The following CDC45 variants were observed in gnomAD, a reference collection of about 807,000 sequenced individuals.
CDC45 encodes cell division control protein 45 homolog.
A neutral mutation model predicts 77.8 loss-of-function variants in CDC45; 54 were observed. That is an observed-to-expected ratio of 0.69 (90% CI 0.56 to 0.87). CDC45 has a LOEUF of 0.87. Among genes scored for constraint, CDC45 ranks in the 40% least tolerant of loss-of-function variants. The probability of loss-of-function intolerance (pLI) is 0.00; values close to 1 mark genes in which losing one functional copy is unlikely to be tolerated. For synonymous variants in CDC45, 260 were observed against 272.1 expected (o/e 0.96, Z 0.44); for missense variants, 649 against 721.6 (o/e 0.90, Z 1.15).
At chr22:19,495,819 C>G (rs1325032549) in intron 6 of CDC45, among the ~76,000 whole-genome samples, 162 bp from the exon 7 acceptor site, 1 of 152,046 alleles carries the variant, frequency 6.6e-6, no homozygotes, top group African/African-American at 2.4e-5. Context: ...AAGAACCTGT[C>G]TCAACAAAAA....
In CDC45 at chr22:19,507,508, C is replaced by A; in HGVS notation, c.947C>A (p.Ala316Glu). The A allele has an allele frequency of 6.2e-7, 1 of 1,614,120 alleles. No homozygotes were observed. The highest frequency in any genetic ancestry group is 8.5e-7 in the Non-Finnish European group (1 of 1,180,030). ...CAGAAGCGGCTCCAGGAGTTCCTTGCAGACATGGGGTGAGTGACTGCCTGG... is the reference window on the plus strand; with the variant it reads ...CAGAAGCGGCTCCAGGAGTTCCTTGAAGACATGGGGTGAGTGACTGCCTGG... ...HGQKRLQEFL[A>E]DMGLPLKQVK... is the part of the protein sequence containing the mutation. The change falls in exon 11 of 19, where the codon GCA becomes GAA. Residue 316 changes from alanine (A) to glutamate (E), a missense_variant. Ala to Glu is a moderately radical substitution (Grantham distance 107, BLOSUM62 -1). Transcript: ENST00000263201.
intron 3 of CDC45, 44 bp from the exon 4 acceptor site, chr22:19,482,646 G>T (rs757685230): frequency 6.3e-7 from 1 of 1,594,770 alleles, no homozygotes; most frequent in East Asian, 2.2e-5. Flanking sequence ...AGGAAAAGGG[G>T]CCTCCTCGAT....
chr22:19,484,766 G>T (rs143616598), intron 5 of CDC45, among the ~76,000 whole-genome samples: 3 of 152,138 alleles, frequency 2.0e-5, no homozygotes, highest in African/African-American at 7.2e-5. Context: ...TTCATTTGGG[G>T]AAGGGGCAAT....
intron 13 of CDC45, among the ~76,000 whole-genome samples, chr22:19,514,197 A>G (rs188296735): frequency 5.9e-5 from 9 of 152,182 alleles, no homozygotes; most frequent in Non-Finnish European, 2.9e-5. Flanking sequence ...GGGATTGTGG[A>G]CCCTTGGCTG....
At chr22:19,494,515 G>A in intron 6 of CDC45, 133 bp downstream of exon 6, 1 of 1,552,098 alleles carries the variant, frequency 6.4e-7, no homozygotes, top group Middle Eastern at 1.7e-4. Context: ...AGTGGCTCTG[G>A]GAGTGAACCT....
chr22:19,481,133 G>A (rs1318001915), intron 3 of CDC45, 88 bp downstream of exon 3: 27 of 800,738 alleles, frequency 3.4e-5, no homozygotes, highest in Admixed American at 6.7e-5. Context: ...TAGATTAAGC[G>A]TGTATTTAAG....
intron 5 of CDC45, among the ~76,000 whole-genome samples, chr22:19,489,388 T>C (rs1215685723): frequency 2.0e-5 from 3 of 152,070 alleles, no homozygotes; most frequent in African/African-American, 7.2e-5. Flanking sequence ...TCTGTTGCCC[T>C]TTTATAGCCA....
intron 15 of CDC45, 31 bp from the exon 16 acceptor site, chr22:19,516,496 C>T: frequency 1.9e-6 from 3 of 1,567,342 alleles, no homozygotes; most frequent in Non-Finnish European, 2.6e-6. Context: ...GCCCACCATA[C>T]CCTGACGGAG....
chr22:19,492,695 A>G (rs1333852406), intron 5 of CDC45, among the ~76,000 whole-genome samples: 3 of 151,984 alleles, frequency 2.0e-5, no homozygotes, highest in Non-Finnish European at 4.4e-5. Context: ...AGATTTTTGT[A>G]TTATGTGATG....
intron 13 of CDC45, 98 bp downstream of exon 13, chr22:19,508,789 C>A: frequency 8.5e-7 from 1 of 1,173,744 alleles, no homozygotes; most frequent in Non-Finnish European, 1.2e-6. Context: ...GTGGGAGTGA[C>A]TGTGTCCTGC....
At chr22:19,507,294 G>T in intron 10 of CDC45, 92 bp from the exon 11 acceptor site, 1 of 1,486,904 alleles carries the variant, frequency 6.7e-7, no homozygotes, top group Non-Finnish European at 9.2e-7. Flanking sequence ...GGTGAGAAAG[G>T]GCCCCGCCAT....
At position 19,507,491 on chromosome 22, in the gene CDC45, G is replaced by C. The variant is rs1389934507; in HGVS notation, c.930G>C (p.Arg310=). 5 of 1,614,064 alleles carry C rather than the reference G, an allele frequency of 3.1e-6. No individual in the cohort carries two copies. In the African/African-American group the frequency reaches 6.7e-5, roughly 22 times the overall value. Residue 310 remains arginine (R), a synonymous_variant, in exon 11 of 19, where the codon CGG becomes CGC. Transcript: ENST00000263201. ...FKLWSVHGQK[R]LQEFLADMGL... Reference sequence around the variant, plus strand: ...TGTGGTCTGTGCATGGACAGAAGCGGCTCCAGGAGTTCCTTGCAGACATGG... The same window carrying C: ...TGTGGTCTGTGCATGGACAGAAGCGCCTCCAGGAGTTCCTTGCAGACATGG...
chr22:19,479,914 G>A (rs2089944203), upstream of CDC45: 4 of 1,597,926 alleles, frequency 2.5e-6, no homozygotes, highest in East Asian at 4.5e-5. Flanking sequence ...AGTCTTGACC[G>A]CCGCCGGGCT....
intron 5 of CDC45, among the ~76,000 whole-genome samples, chr22:19,492,789 A>G (rs773279179): frequency 6.6e-6 from 1 of 152,170 alleles, no homozygotes. Context: ...GATGCCAGGT[A>G]GAGGTAAAAG....
At position 19,505,449 on chromosome 22, in the gene CDC45, C is replaced by T. The variant is rs61756282; in HGVS notation, c.792C>T (p.Ser264=). Residue 264 remains serine (S), a synonymous_variant, in exon 10 of 19, where the codon TCC becomes TCT. Coordinates refer to ENST00000263201, the MANE Select transcript of CDC45 (RefSeq NM_003504.5). The part of the protein sequence containing the change: ...HRNEDEENTL[S]VDCTRISFEY... Reference sequence around the variant, plus strand: ...ACGAGGATGAGGAGAACACACTCTCCGTGGACTGCACACGGATCTCCTTTG... The same window carrying T: ...ACGAGGATGAGGAGAACACACTCTCTGTGGACTGCACACGGATCTCCTTTG... The T allele has an allele frequency of 2.2e-4, 354 of 1,614,146 alleles. No individual in the cohort carries two copies. The highest frequency in any genetic ancestry group is 2.8e-4 in the Non-Finnish European group (326 of 1,179,964).
At chr22:19,500,594 TGCTCCGAA>T (rs1400605715) in intron 9 of CDC45, among the ~76,000 whole-genome samples, 1 of 152,170 alleles carries the variant, frequency 6.6e-6, no homozygotes, top group East Asian at 1.9e-4. Context: ...CTGACTGAGC[TGCTCCGAA>T]GGACCCCACG....
At chr22:19,506,338 G>A (rs985304654) in intron 10 of CDC45, among the ~76,000 whole-genome samples, 5 of 152,192 alleles carry the variant, frequency 3.3e-5, no homozygotes, top group African/African-American at 4.8e-5. Flanking sequence ...CATCATGTGC[G>A]TGGCAGGGTG....
intron 9 of CDC45, among the ~76,000 whole-genome samples, chr22:19,501,252 C>G (rs761543903): frequency 1.3e-5 from 2 of 152,140 alleles, no homozygotes; most frequent in Non-Finnish European, 2.9e-5. Context: ...TATTTGCCTG[C>G]GGCTAGGTGC....
At chr22:19,482,655 A>G (rs2090001524) in intron 3 of CDC45, 35 bp from the exon 4 acceptor site, 1 of 1,606,816 alleles carries the variant, frequency 6.2e-7, no homozygotes, top group Non-Finnish European at 8.5e-7. Flanking sequence ...GGCCTCCTCG[A>G]TATAGCTACT....
Sources: allele counts gnomAD v4.1 joint callset (sites outside exome capture counted in the v4.1 genomes callset), GRCh38; gene constraint gnomAD v4.1.1; transcripts MANE v1.5; gene names NCBI Gene and HGNC (gene_info 2026-07-23, HGNC 2026-07-21).